MEIS2: variants seen among roughly 807,000 people sequenced by gnomAD.
The protein encoded by MEIS2 is homeobox protein Meis2.
In MEIS2, 9 loss-of-function variants were observed where a neutral mutation model predicts 58.6. The observed-to-expected ratio is 0.15, with a 90% CI of 0.09 to 0.27. The LOEUF (loss-of-function observed/expected upper bound fraction) is 0.27, where lower values mean the gene tolerates loss of function less well. Among genes scored for constraint, MEIS2 ranks in the 10% least tolerant of loss-of-function variants. The pLI, the probability that MEIS2 is intolerant of heterozygous loss-of-function variation, is 1.00. For missense variants in MEIS2, 427 were observed against 635.0 expected (o/e 0.67, Z 3.52); for synonymous variants, 221 against 228.4 (o/e 0.97, Z 0.29).
At chr15:36,956,492 G>A (rs1255870377) in intron 8 of MEIS2, among the ~76,000 whole-genome samples, 2 of 152,174 alleles carry the variant, frequency 1.3e-5, no homozygotes, top group African/African-American at 2.4e-5. Flanking sequence ...AGTTTAGCCA[G>A]TCAACACAGA....
At chr15:36,937,381 C>G (rs1192120525) in intron 9 of MEIS2, among the ~76,000 whole-genome samples, 4 of 152,092 alleles carry the variant, frequency 2.6e-5, no homozygotes, top group Non-Finnish European at 5.9e-5. Flanking sequence ...CTACATGTAA[C>G]TTTGACCTGG....
chr15:37,045,421 A>G (rs1039492871), intron 7 of MEIS2, among the ~76,000 whole-genome samples: 8 of 152,132 alleles, frequency 5.3e-5, no homozygotes, highest in African/African-American at 1.7e-4. Context: ...ACTACCTTCC[A>G]GGAGTTTAAT....
chr15:36,961,496 CA>C (rs2059180592), intron 8 of MEIS2, among the ~76,000 whole-genome samples: 1 of 151,978 alleles, frequency 6.6e-6, no homozygotes, highest in African/African-American at 2.4e-5. Context: ...TGAGTAAATA[CA>C]AATAAATTGG....
At chr15:36,949,596 G>T (rs2058686486) in intron 9 of MEIS2, among the ~76,000 whole-genome samples, 1 of 152,018 alleles carries the variant, frequency 6.6e-6, no homozygotes, top group South Asian at 2.1e-4. Context: ...AGAACTGTCA[G>T]TTCAATTAAT....
intron 8 of MEIS2, among the ~76,000 whole-genome samples, chr15:37,029,254 C>T (rs1001673588): frequency 6.6e-6 from 1 of 152,174 alleles, no homozygotes; most frequent in Non-Finnish European, 1.5e-5. Context: ...TGCATTTCCA[C>T]ATAAGTATTT....
intron 7 of MEIS2, among the ~76,000 whole-genome samples, chr15:37,042,906 C>T (rs1464186588): frequency 1.3e-5 from 2 of 152,186 alleles, no homozygotes; most frequent in Non-Finnish European, 2.9e-5. Context: ...AGCCTACTGT[C>T]CATGAAGTAG....
chr15:36,911,306 T>C (rs185114542), intron 9 of MEIS2, among the ~76,000 whole-genome samples: 2 of 152,158 alleles, frequency 1.3e-5, no homozygotes, highest in East Asian at 1.9e-4. Flanking sequence ...TATATACATA[T>C]ATATGCATAC....
intron 8 of MEIS2, among the ~76,000 whole-genome samples, chr15:37,023,907 CTCTCTTT>C (rs2061608830): frequency 2.6e-5 from 3 of 115,956 alleles, no homozygotes; most frequent in Admixed American, 1.2e-4. Flanking sequence ...CTCCTTTTCT[CTCTCTTT>C]TTTTTTTTTT....
chr15:37,093,605 G>T lies in MEIS2; in HGVS notation c.615C>A (p.Gly205=), dbSNP rs145358549. The change falls in exon 6 of 12, where the codon GGC becomes GGA. Residue 205 remains glycine, a synonymous_variant. Transcript: ENST00000561208. ...SSKSDHEELS[G]SSTNLADHNP... ...CATGGTCAGCGAGATTTGTGGAGGA[G>T]CCTGAAAGTTCTTCATGATCTGACT... 1 of 1,614,084 alleles carries T rather than the reference G, an allele frequency of 6.2e-7. No individual in the cohort carries two copies. The highest frequency in any genetic ancestry group is 8.5e-7 in the Non-Finnish European group (1 of 1,180,036).
chr15:37,058,534 A>C (rs545738138), intron 7 of MEIS2, among the ~76,000 whole-genome samples: 24 of 152,294 alleles, frequency 1.6e-4, no homozygotes, highest in Middle Eastern at 3.4e-3. Flanking sequence ...TCTCTCACAG[A>C]CGTCTCCGGC....
chr15:36,950,985 C>A (rs752165366), intron 8 of MEIS2, among the ~76,000 whole-genome samples: 19 of 152,082 alleles, frequency 1.2e-4, no homozygotes, highest in Admixed American at 2.0e-4. Context: ...ACAGAAGATT[C>A]TTTCATTGTT....
At chr15:37,035,460 A>G (rs1159569316) in intron 8 of MEIS2, among the ~76,000 whole-genome samples, 1 of 152,180 alleles carries the variant, frequency 6.6e-6, no homozygotes, top group East Asian at 1.9e-4. Context: ...AGCCCTTTCA[A>G]TTAGTCAGTA....
intron 8 of MEIS2, among the ~76,000 whole-genome samples, chr15:36,996,023 GTATATATATACACACACACACACA>G (rs200033139): frequency 0.02 from 1,648 of 80,820 alleles, 17 homozygotes; most frequent in Admixed American, 0.056. Context: ...ATACATATGT[GTATATATATACACACACACACACA>G]TATATATATA....
In MEIS2 at chr15:37,043,835, G is replaced by C. The variant is rs553689814; in HGVS notation, c.755-6876C>G. On this transcript the variant is annotated intron_variant, in intron 7 of 11. Transcript: ENST00000561208. ...CCCGAGTAGCTAGGATTACAGGCGC[G>C]TGCCACCACGCCCAGTTAATTTTTG... is the stretch of plus-strand genomic sequence containing the variant. Among the ~76,000 whole-genome samples the C allele has an allele frequency of 3.5e-4, 53 of 151,994 alleles. 1 individual carries two copies. The East Asian group carries it at 8.0e-3, about 23-fold the overall frequency.
intron 9 of MEIS2, among the ~76,000 whole-genome samples, chr15:36,921,493 C>A (rs1595727795): frequency 6.6e-6 from 1 of 152,138 alleles, no homozygotes; most frequent in Non-Finnish European, 1.5e-5. Context: ...AGGAAAAACA[C>A]CAAAGCGCTT....
intron 7 of MEIS2, among the ~76,000 whole-genome samples, chr15:37,047,553 G>A (rs2062725402): frequency 6.6e-6 from 1 of 152,168 alleles, no homozygotes; most frequent in Non-Finnish European, 1.5e-5. Context: ...ATAATTAGGA[G>A]CCTTGAAGTT....
chr15:37,038,855 G>A (rs566408505), intron 7 of MEIS2, among the ~76,000 whole-genome samples: 7 of 152,262 alleles, frequency 4.6e-5, no homozygotes, highest in Admixed American at 6.5e-5. Flanking sequence ...ACCCAAGCTC[G>A]TGCAGGGACA....
intron 8 of MEIS2, among the ~76,000 whole-genome samples, chr15:36,959,256 G>A (rs1246913230): frequency 6.6e-6 from 1 of 152,088 alleles, no homozygotes; most frequent in Non-Finnish European, 1.5e-5. Context: ...AATTATAGAT[G>A]CCAATATCCA....
intron 8 of MEIS2, among the ~76,000 whole-genome samples, chr15:36,963,473 C>T (rs2059257995): frequency 6.6e-6 from 1 of 151,906 alleles, no homozygotes; most frequent in African/African-American, 2.4e-5. Flanking sequence ...CAAGTCTGAC[C>T]TAGCAGAAAC....
Sources: allele counts gnomAD v4.1 joint callset (sites outside exome capture counted in the v4.1 genomes callset), GRCh38; gene constraint gnomAD v4.1.1; transcripts MANE v1.5; gene names NCBI Gene and HGNC (gene_info 2026-07-23, HGNC 2026-07-21).